Variants in LRRC43 observed in about 807,000 individuals in gnomAD.
The protein encoded by LRRC43 is leucine-rich repeat-containing protein 43.
A neutral mutation model predicts 64.3 loss-of-function variants in LRRC43; 62 were observed. The observed-to-expected ratio is 0.96, with a 90% CI of 0.79 to 1.19. LRRC43 has a LOEUF of 1.19. LRRC43 is among the 50% of genes most tolerant of loss of function. The probability of loss-of-function intolerance (pLI) is 0.00; values close to 1 mark genes in which losing one functional copy is unlikely to be tolerated. For missense variants in LRRC43, 868 were observed against 845.0 expected (o/e 1.03, Z -0.34); for synonymous variants, 422 against 382.3 (o/e 1.10, Z -1.21).
intron 5 of LRRC43, 76 bp from the exon 6 acceptor site, chr12:122,191,295 GACCCGTGCC>G: frequency 8.6e-7 from 1 of 1,161,180 alleles, no homozygotes; most frequent in Non-Finnish European, 1.2e-6. Flanking sequence ...AGAATCTAGG[GACCCGTGCC>G]TTCCCAGCCC....
chr12:122,179,992 A>C (rs1447753330), upstream of LRRC43, among the ~76,000 whole-genome samples: 4 of 147,436 alleles, frequency 2.7e-5, no homozygotes, highest in Non-Finnish European at 5.9e-5. Flanking sequence ...AAAAAAAGAG[A>C]GAGAGAAAGA....
chr12:122,185,506 ACT>A (rs1953633376), intron 2 of LRRC43, among the ~76,000 whole-genome samples: 1 of 152,038 alleles, frequency 6.6e-6, no homozygotes, highest in South Asian at 2.1e-4. Flanking sequence ...CAAGAGTGAG[ACT>A]CTGTCTCAAT....
At position 122,191,459 on chromosome 12, in the gene LRRC43, G is replaced by A. The variant is rs1317282214; in HGVS notation, c.981G>A (p.Pro327=). The A allele has an allele frequency of 5.6e-6, 9 of 1,613,920 alleles. No homozygotes were observed. The highest frequency in any genetic ancestry group is 2.2e-5 in the East Asian group (1 of 44,882). ...RGVLDTSVLD[P]EPRPEGPFIT... ...TCCTGGACACCTCTGTCTTAGACCC[G>A]GAACCCAGGCCCGAAGGCCCTTTCA... The change falls in exon 6 of 12, where the codon CCG becomes CCA. Residue 327 remains proline, a synonymous_variant. Coordinates refer to ENST00000339777, the MANE Select transcript of LRRC43 (RefSeq NM_001098519.2).
At chr12:122,189,587 C>T (rs764707919) in intron 4 of LRRC43, 17 of 421,430 alleles carry the variant, frequency 4.0e-5, no homozygotes, top group Non-Finnish European at 5.7e-5. Context: ...CTTTGCAGGC[C>T]CCTCCCAGGC....
chr12:122,183,163 T>TCCGAGC lies in LRRC43; in HGVS notation c.24_25insCCCGAG (p.Glu8_Ser9insProGlu). 6.5e-7 allele frequency: 1 copy of TCCGAGC among 1,548,336 alleles called. No individual in the cohort carries two copies. Among genetic ancestry groups the TCCGAGC allele is most frequent in the Non-Finnish European group, 8.7e-7 (1 of 1,154,016 alleles). On this transcript the variant is annotated inframe_insertion, in exon 1 of 12. Transcript: ENST00000339777. The stretch of plus-strand genomic sequence containing the variant: ...CCGGGCCATGGAGGCGTCGTACGAG[T>TCCGAGC]CCGAGTCCGAGTCCGAGTCTGAGGC...
chr12:122,200,749 T>C lies in LRRC43; in HGVS notation c.1624T>C (p.Trp542Arg), dbSNP rs771318493. ...TCCTGTCCTCCCGTCGTCGCAGGAG[T>C]GGAAGGTGCTGAAGAAGAAGAAAGA... ...GKGEKEPAKE[W>R]KVLKKKKEPP... The change falls in exon 10 of 12, where the codon TGG becomes CGG. Residue 542 changes from tryptophan (W) to arginine (R), a missense_variant. Coordinates refer to ENST00000339777, the MANE Select transcript of LRRC43 (RefSeq NM_001098519.2). This position sits in a 1 kb window ranked among gnomAD's most constrained non-coding sequence, Gnocchi z 4.6. 18 of 1,611,654 alleles carry C rather than the reference T, an allele frequency of 1.1e-5. No homozygotes were observed. The East Asian group carries it at 3.8e-4, about 34-fold the overall frequency.
intron 11 of LRRC43, 26 bp downstream of exon 11, chr12:122,201,355 G>A (rs1299223025): frequency 1.2e-6 from 2 of 1,612,876 alleles, no homozygotes; most frequent in South Asian, 1.1e-5. Flanking sequence ...GGTGACCAAA[G>A]GCAGGGATTG....
intron 4 of LRRC43, chr12:122,189,410 G>A (rs1293609067): frequency 2.2e-6 from 1 of 456,640 alleles, no homozygotes. Flanking sequence ...TCTGCTCTTA[G>A]GGGAAGAGTG....
At chr12:122,182,339 C>T (rs1332455987), upstream of LRRC43, among the ~76,000 whole-genome samples, 2 of 152,040 alleles carry the variant, frequency 1.3e-5, no homozygotes, top group Middle Eastern at 3.2e-3. Context: ...GCCTGGCCAA[C>T]ATGGTGAAAC....
chr12:122,191,253 G>A (rs970177013), intron 5 of LRRC43, 127 bp from the exon 6 acceptor site: 15 of 740,770 alleles, frequency 2.0e-5, no homozygotes, highest in East Asian at 5.5e-5. Context: ...GAACCTGACC[G>A]CCCCACCAAG....
rs201465702 is a variant in LRRC43, at chr12:122,201,267, G to A, written c.1810-29G>A. The A allele has an allele frequency of 8.7e-5, 140 of 1,613,310 alleles. No individual in the cohort carries two copies. The African/African-American group carries it at 1.7e-3, about 19-fold the overall frequency. On this transcript the variant is annotated intron_variant, in intron 10 of 11. Coordinates refer to ENST00000339777, the MANE Select transcript of LRRC43 (RefSeq NM_001098519.2). Reference sequence around the variant, plus strand: ...CTCTAGTACCTCCCCTCTCCAGTAAGCATCTCGTTTTGTGGTTCTTTCTCT... The same window carrying A: ...CTCTAGTACCTCCCCTCTCCAGTAAACATCTCGTTTTGTGGTTCTTTCTCT...
At position 122,201,279 on chromosome 12, in the gene LRRC43, G is replaced by C; in HGVS notation, c.1810-17G>C. 6.2e-7 allele frequency: 1 copy of C among 1,613,918 alleles called. No homozygotes were observed. Among genetic ancestry groups the C allele is most frequent in the African/African-American group, 1.3e-5 (1 of 75,052 alleles). On this transcript the variant is annotated splice_polypyrimidine_tract_variant and intron_variant, in intron 10 of 11. Coordinates refer to ENST00000339777, the MANE Select transcript of LRRC43 (RefSeq NM_001098519.2). ...CCCTCTCCAGTAAGCATCTCGTTTT[G>C]TGGTTCTTTCTCTCAGGATTCAAAG...
In LRRC43 at chr12:122,173,765, G is replaced by A. The variant is rs548738154; in HGVS notation, c.-406+5983G>A. ...TAGCTACAGCCCTGGTTTCAGGTCC[G>A]GAGAGAGGAGCCTCTTTGGAGGGCA... On this transcript the variant is annotated intron_variant, in intron 1 of 5. Transcript: ENST00000537729. The A allele has an allele frequency of 2.1e-4, 274 of 1,305,574 alleles. 1 individual carries two copies. The African/African-American group carries it at 3.3e-3, about 15-fold the overall frequency. 80.9% of individuals were successfully genotyped at this position (1,305,574 alleles called of 1,614,324 possible).
rs374301309 is a variant in LRRC43, at chr12:122,200,275, T to A, written c.1436T>A (p.Val479Asp). 1 of 1,613,564 alleles carries A rather than the reference T, an allele frequency of 6.2e-7. No homozygotes were observed. Among genetic ancestry groups the A allele is most frequent in the African/African-American group, 1.3e-5 (1 of 74,846 alleles). ...ATGCAGCACTCTCTCAGGGACCTGG[T>A]CCCACTGAAGGCCTTCCTGCTGGCG... ...YEMQHSLRDL[V>D]PLKAFLLAGT... The change falls in exon 8 of 12, where the codon GTC becomes GAC. Residue 479 changes from valine (V) to aspartate (D), a missense_variant. By Grantham distance (152) the Val-to-Asp change is radical. Coordinates refer to ENST00000339777, the MANE Select transcript of LRRC43 (RefSeq NM_001098519.2). This position sits in a 1 kb window ranked among gnomAD's most constrained non-coding sequence, Gnocchi z 4.6.
At position 122,186,311 on chromosome 12, in the gene LRRC43, C is replaced by T; in HGVS notation, c.522+11C>T. The T allele has an allele frequency of 6.4e-7, 1 of 1,556,402 alleles. No individual in the cohort carries two copies. Among genetic ancestry groups the T allele is most frequent in the African/African-American group, 1.4e-5 (1 of 73,428 alleles). ...CCCCCCACACTCAAGGTGAAGGAGC[C>T]CCGGTCTGTGTTGAGTATTTGGGCC... On this transcript the variant is annotated intron_variant, in intron 3 of 11. Coordinates refer to ENST00000339777, the MANE Select transcript of LRRC43 (RefSeq NM_001098519.2).
chr12:122,174,076 C>G (rs1953514981), intron 1 of LRRC43: 2 of 1,613,706 alleles, frequency 1.2e-6, no homozygotes, highest in Admixed American at 3.3e-5. Context: ...GCTGAGCCAA[C>G]CCTGGGGGTA....
Position 122,201,250 on chromosome 12 carries a change from C to T in LRRC43, c.1810-46C>T, listed in dbSNP as rs775347568. On this transcript the variant is annotated intron_variant, in intron 10 of 11. Coordinates refer to ENST00000339777, the MANE Select transcript of LRRC43 (RefSeq NM_001098519.2). ...CCCCAGAGACACCCCTTCTCTAGTA[C>T]CTCCCCTCTCCAGTAAGCATCTCGT... 11 of 1,603,044 alleles carry T rather than the reference C, an allele frequency of 6.9e-6. No homozygotes were observed. In the South Asian group the frequency reaches 1.2e-4, roughly 18 times the overall value.
chr12:122,169,671 G>C (rs965497442), intron 1 of LRRC43, among the ~76,000 whole-genome samples: 1 of 139,910 alleles, frequency 7.1e-6, no homozygotes, highest in Non-Finnish European at 1.5e-5. Context: ...AGCCGAGATC[G>C]TGCCACTGCA....
chr12:122,193,079 C>T, intron 7 of LRRC43, 75 bp downstream of exon 7: 1 of 1,506,322 alleles, frequency 6.6e-7, no homozygotes, highest in Non-Finnish European at 9.0e-7. Flanking sequence ...CTGCGACCTT[C>T]CATTAAAAGT....
Sources: gnomAD v4.1 joint callset for allele counts (sites outside exome capture counted in the v4.1 genomes callset) on GRCh38, gnomAD v4.1.1 for gene constraint, Gnocchi (gnomAD v3.1) non-coding constraint, MANE v1.5 for transcripts, NCBI Gene and HGNC (gene_info 2026-07-23, HGNC 2026-07-21) for gene names.